The following FRMD3 variants were observed in gnomAD, a reference collection of about 807,000 sequenced individuals.
FRMD3 encodes FERM domain-containing protein 3.
In FRMD3, 33 loss-of-function variants were observed where a neutral mutation model predicts 70.2. That is an observed-to-expected ratio of 0.47 (90% CI 0.36 to 0.63). FRMD3 has a LOEUF of 0.63. Ranked by LOEUF, FRMD3 falls within the 20% of genes least tolerant of loss-of-function variation. FRMD3 has a pLI of 0.00. For synonymous variants in FRMD3, 279 were observed against 255.9 expected, an observed-to-expected ratio of 1.09 and a Z score of -0.86; for missense variants, 632 against 711.4, an observed-to-expected ratio of 0.89 and a Z score of 1.27.
At chr9:83,274,165 A>G (rs151093355) in intron 13 of FRMD3, among the ~76,000 whole-genome samples, 127 of 152,290 alleles carry the variant, frequency 8.3e-4, no homozygotes, top group African/African-American at 2.8e-3. Flanking sequence ...TGCATTATAA[A>G]TATGCACAGC....
At position 83,512,777 on chromosome 9, in the gene FRMD3, G is replaced by A. The variant is rs189793055; in HGVS notation, c.147+25308C>T. On this transcript the variant is annotated intron_variant, in intron 1 of 13. Coordinates refer to ENST00000304195, the MANE Select transcript of FRMD3 (RefSeq NM_174938.6). The stretch of plus-strand genomic sequence containing the variant: ...TTCCTGGGAGGAATCTTACACTTCC[G>A]GTGTCTTTCAGCATCTCTGACTGTT... 1.8e-4 allele frequency among the ~76,000 whole-genome samples: 28 copies of A among 152,228 alleles called. No individual in the cohort carries two copies. The East Asian group carries it at 2.5e-3, about 14-fold the overall frequency.
chr9:83,247,923 A>T lies in FRMD3; in HGVS notation c.1789T>A (p.Ser597Thr). ...AGTCACGTGAGAGATTAACTTCATG[A>T]GCAACCCAGCATGTAGAGGATGAGG... ...VHLILYMLGC[S>T] is the part of the protein sequence containing the mutation. Residue 597 changes from serine to threonine, a missense_variant, in exon 14 of 14, where the codon TCA becomes ACA. This residue lies in a region of FRMD3 where 418 missense variants were observed against 442.1 expected (regional missense o/e 0.95). Transcript: ENST00000304195. The T allele has an allele frequency of 1.2e-6, 2 of 1,613,264 alleles. No homozygotes were observed. Among genetic ancestry groups the T allele is most frequent in the Non-Finnish European group, 1.7e-6 (2 of 1,179,332 alleles).
intron 1 of FRMD3, among the ~76,000 whole-genome samples, chr9:83,464,449 G>A (rs549644805): frequency 6.6e-6 from 1 of 152,248 alleles, no homozygotes; most frequent in East Asian, 1.9e-4. Context: ...GATGGTAAGG[G>A]TCACCATCAC....
At chr9:83,397,488 T>C (rs4111394) in intron 1 of FRMD3, among the ~76,000 whole-genome samples, 134,343 of 152,086 alleles carry the variant, frequency 0.88, 59,573 homozygotes, top group East Asian at 1. Context: ...GAAGAAAAAC[T>C]TAATACAGAA....
At position 83,245,631 on chromosome 9, in the gene FRMD3, G is replaced by A. The variant is rs150914914; in HGVS notation, c.*2287C>T. ...CATATTTTTTAAGTATTTTACAATG[G>A]AAAATATATTAGTTCCATAATTTAA... On this transcript the variant is annotated 3_prime_UTR_variant, in exon 14 of 14. Coordinates refer to ENST00000304195, the MANE Select transcript of FRMD3 (RefSeq NM_174938.6). The A allele has an allele frequency of 2.4e-3, 1,913 of 810,652 alleles. 22 individuals carry two copies. The African/African-American group carries it at 0.029, about 12-fold the overall frequency. 50.2% of individuals were successfully genotyped at this position (810,652 alleles called of 1,614,324 possible). A position where few individuals can be genotyped will look rare whatever the true frequency, so the allele number is the denominator to read the frequency against.
chr9:83,287,755 C>G (rs1025608085), intron 13 of FRMD3, among the ~76,000 whole-genome samples: 2 of 152,236 alleles, frequency 1.3e-5, no homozygotes, highest in African/African-American at 4.8e-5. Context: ...GGAACAAATG[C>G]CCTCAAGGCA....
intron 1 of FRMD3, among the ~76,000 whole-genome samples, chr9:83,507,673 CA>C (rs1397459904): frequency 9.1e-5 from 5 of 54,774 alleles, no homozygotes; most frequent in Non-Finnish European, 1.6e-4. Flanking sequence ...CCGTCTCAAA[CA>C]AAAAAAAATA....
At chr9:83,476,445 A>G (rs887774776) in intron 1 of FRMD3, among the ~76,000 whole-genome samples, 6 of 152,040 alleles carry the variant, frequency 3.9e-5, no homozygotes, top group Admixed American at 3.3e-4. Flanking sequence ...TGGTGGTGAC[A>G]CTGTCAGAAA....
chr9:83,526,106 G>T (rs1829678543), intron 1 of FRMD3, among the ~76,000 whole-genome samples: 2 of 152,052 alleles, frequency 1.3e-5, no homozygotes, highest in South Asian at 4.1e-4. Flanking sequence ...ACCCAAAATG[G>T]AACTCATTCT....
intron 4 of FRMD3, among the ~76,000 whole-genome samples, chr9:83,345,280 A>C (rs1460544648): frequency 7.4e-6 from 1 of 135,290 alleles, no homozygotes; most frequent in African/African-American, 2.6e-5. Flanking sequence ...ATAAGTTTCT[A>C]ATTTGGAGTT....
chr9:83,471,235 C>G (rs773509440), intron 1 of FRMD3, among the ~76,000 whole-genome samples: 1 of 152,160 alleles, frequency 6.6e-6, no homozygotes, highest in Non-Finnish European at 1.5e-5. Context: ...CAAACTGGCA[C>G]AAATACTGAA....
rs762066616 is a variant in FRMD3, at chr9:83,278,160, A to G, written c.1195+12443T>C. Among the ~76,000 whole-genome samples, 102 of 152,204 alleles carry G rather than the reference A, an allele frequency of 6.7e-4. 1 individual carries two copies. Among genetic ancestry groups the G allele is most frequent in the Admixed American group, 2.6e-4 (4 of 15,282 alleles). On this transcript the variant is annotated intron_variant, in intron 13 of 13. Transcript: ENST00000304195. ...AAACAGCCATACAAAGACCAGAGAGAAGACCCTCCTGGGTGGGGGAAACAG... is the reference window on the plus strand; with the variant it reads ...AAACAGCCATACAAAGACCAGAGAGGAGACCCTCCTGGGTGGGGGAAACAG...
At chr9:83,531,291 T>G (rs10868024) in intron 1 of FRMD3, among the ~76,000 whole-genome samples, 9,085 of 152,274 alleles carry the variant, frequency 0.06, 403 homozygotes, top group East Asian at 0.25. Context: ...AATTAGAATT[T>G]GTTGCATGTA....
chr9:83,582,818 T>C, the FRMD3 span, among the ~76,000 whole-genome samples: 1 of 152,212 alleles, frequency 6.6e-6, no homozygotes, highest in East Asian at 1.9e-4. Flanking sequence ...CAAATTGAAG[T>C]ACCATTTTTG....
chr9:83,536,368 A>G (rs1829891912), intron 1 of FRMD3, among the ~76,000 whole-genome samples: 1 of 152,272 alleles, frequency 6.6e-6, no homozygotes, highest in South Asian at 2.1e-4. Context: ...AAAAATGTCA[A>G]CACCAAGTGG....
At chr9:83,424,754 T>G (rs1826754139) in intron 1 of FRMD3, among the ~76,000 whole-genome samples, 1 of 152,192 alleles carries the variant, frequency 6.6e-6, no homozygotes, top group Non-Finnish European at 1.5e-5. Context: ...GACAGATATA[T>G]CTGTGATGTA....
chr9:83,406,406 C>T (rs952901861), intron 1 of FRMD3, among the ~76,000 whole-genome samples: 1 of 152,202 alleles, frequency 6.6e-6, no homozygotes, highest in African/African-American at 2.4e-5. Context: ...AGCCTTACTC[C>T]GGGTCTCCAC....
At chr9:83,362,571 G>A (rs1005111208) in intron 3 of FRMD3, among the ~76,000 whole-genome samples, 1 of 152,324 alleles carries the variant, frequency 6.6e-6, no homozygotes, top group South Asian at 2.1e-4. Flanking sequence ...ACAGTCTCTG[G>A]TAAATAGGGC....
chr9:83,503,286 T>G (rs747039716), intron 1 of FRMD3, among the ~76,000 whole-genome samples: 41 of 152,160 alleles, frequency 2.7e-4, no homozygotes, highest in Non-Finnish European at 5.1e-4. Context: ...AGCAGAGAGC[T>G]TTCTCCAGCT....
Sources: gnomAD v4.1 joint callset for allele counts (sites outside exome capture counted in the v4.1 genomes callset) on GRCh38, gnomAD v4.1.1 for gene constraint, gnomAD v4.1.1 regional missense constraint, MANE v1.5 for transcripts, NCBI Gene and HGNC (gene_info 2026-07-23, HGNC 2026-07-21) for gene names.